Variants in CAPZB observed in about 807,000 individuals in gnomAD.
CAPZB encodes F-actin-capping protein subunit beta.
CAPZB carries 2 observed loss-of-function variants against 38.1 expected under a neutral mutation model. The observed-to-expected ratio is 0.05, with a 90% CI of 0.02 to 0.17. The LOEUF is 0.17. Ranked by LOEUF, CAPZB falls within the 10% of genes least tolerant of loss-of-function variation. The pLI is 1.00. For missense variants in CAPZB, 161 were observed against 334.2 expected, an observed-to-expected ratio of 0.48 and a Z score of 4.04; for synonymous variants, 107 against 127.4, an observed-to-expected ratio of 0.84 and a Z score of 1.08.
chr1:19,389,465 T>C (rs10917441), intron 2 of CAPZB, among the ~76,000 whole-genome samples: 50,882 of 151,860 alleles, frequency 0.34, 8,525 homozygotes, highest in Middle Eastern at 0.4. Context: ...TCCAGCTCTG[T>C]CACCCAGGCT....
chr1:19,450,144 CAAAA>C (rs71008167), intron 1 of CAPZB, among the ~76,000 whole-genome samples: 68 of 35,444 alleles, frequency 1.9e-3, no homozygotes, highest in Middle Eastern at 0.013. Flanking sequence ...ACCCTGTCTC[CAAAA>C]AAAAAAAAAA....
chr1:19,347,831 C>A (rs1051904238), intron 6 of CAPZB, among the ~76,000 whole-genome samples: 2 of 152,128 alleles, frequency 1.3e-5, no homozygotes, highest in African/African-American at 4.8e-5. Flanking sequence ...CCAAGGAAAC[C>A]GAAGCTTAAA....
In CAPZB at chr1:19,484,342, G is replaced by C. The variant is rs571057623; in HGVS notation, c.3+1094C>G. 2.5e-6 allele frequency: 4 copies of C among 1,570,498 alleles called. No homozygotes were observed. The African/African-American group carries it at 5.4e-5, about 21-fold the overall frequency. ...CCCCCCAAGGCCACGGCCTCACAAG[G>C]GCGATTGTGCGTTCATCCTTGTCCT... On this transcript the variant is annotated intron_variant, in intron 1 of 8. Transcript: ENST00000264202.
intron 1 of CAPZB, among the ~76,000 whole-genome samples, chr1:19,438,328 G>A (rs563222163): frequency 1.8e-4 from 27 of 152,250 alleles, no homozygotes; most frequent in African/African-American, 4.3e-4. Flanking sequence ...AGCTACGTGC[G>A]GCTTAGCGTA....
At chr1:19,458,011 T>C (rs2094538333) in intron 1 of CAPZB, among the ~76,000 whole-genome samples, 1 of 151,538 alleles carries the variant, frequency 6.6e-6, no homozygotes, top group African/African-American at 2.4e-5. Context: ...GTCATAATAA[T>C]TTTTAAAAAG....
At chr1:19,442,706 T>C (rs2094481898) in intron 1 of CAPZB, among the ~76,000 whole-genome samples, 1 of 152,158 alleles carries the variant, frequency 6.6e-6, no homozygotes, top group South Asian at 2.1e-4. Context: ...TCTGAAGGAC[T>C]GAAAAACACA....
chr1:19,356,629 C>T lies in CAPZB; in HGVS notation c.588+6G>A. On this transcript the variant is annotated splice_donor_region_variant and intron_variant, in intron 6 of 8. Coordinates refer to ENST00000264202, the MANE Select transcript of CAPZB (RefSeq NM_004930.5). This position sits in a 1 kb window ranked among gnomAD's most constrained non-coding sequence, Gnocchi z 4.3. ...CTGGCAAGTGGCTATGAGCGGGTAACTCTACCTGTCTGGTAAGGCTGCCTC... is the reference window on the plus strand; with the variant it reads ...CTGGCAAGTGGCTATGAGCGGGTAATTCTACCTGTCTGGTAAGGCTGCCTC... 1 of 1,604,566 alleles carries T rather than the reference C, an allele frequency of 6.2e-7. No homozygotes were observed. Among genetic ancestry groups the T allele is most frequent in the Non-Finnish European group, 8.5e-7 (1 of 1,171,256 alleles).
At chr1:19,476,668 A>G (rs1158458494) in intron 1 of CAPZB, among the ~76,000 whole-genome samples, 1 of 152,262 alleles carries the variant, frequency 6.6e-6, no homozygotes, top group Non-Finnish European at 1.5e-5. Flanking sequence ...CAGTAGGCCA[A>G]GCCACACAGT....
chr1:19,396,577 C>T (rs1331831705), intron 2 of CAPZB, among the ~76,000 whole-genome samples: 3 of 152,160 alleles, frequency 2.0e-5, no homozygotes, highest in African/African-American at 4.8e-5. Context: ...AAGGCAAGCA[C>T]GGGGTAGCTG....
chr1:19,464,237 GAAGA>G (rs1488889601), intron 1 of CAPZB, among the ~76,000 whole-genome samples: 1 of 150,292 alleles, frequency 6.7e-6, no homozygotes, highest in Non-Finnish European at 1.5e-5. Flanking sequence ...AGGAGGAAAG[GAAGA>G]AAGAAAACCG....
In CAPZB at chr1:19,357,800, TC is replaced by T. The variant is rs557081878; in HGVS notation, c.330-238del. Among the ~76,000 whole-genome samples, 14 of 152,220 alleles carry T rather than the reference TC, an allele frequency of 9.2e-5. 1 individual carries two copies. In the South Asian group the frequency reaches 2.9e-3, roughly 32 times the overall value. Reference sequence around the variant, plus strand: ...GAATCTGAGGTTGGACTCTGCCACCTCCTCTATCTGTGTGGTCTTTGGCTTA... The same window carrying T: ...GAATCTGAGGTTGGACTCTGCCACCTCTCTATCTGTGTGGTCTTTGGCTTA... On this transcript the variant is annotated intron_variant, in intron 4 of 8. Coordinates refer to ENST00000264202, the MANE Select transcript of CAPZB (RefSeq NM_004930.5). The surrounding 1 kb of genome is among the most constrained non-coding windows in gnomAD (Gnocchi z 4.3).
At chr1:19,366,565 G>T (rs2100364078) in intron 4 of CAPZB, among the ~76,000 whole-genome samples, 1 of 152,128 alleles carries the variant, frequency 6.6e-6, no homozygotes, top group South Asian at 2.1e-4. Flanking sequence ...GCAGGTGCTT[G>T]TAATCCCAGT....
intron 2 of CAPZB, among the ~76,000 whole-genome samples, chr1:19,416,987 C>T (rs1296403641): frequency 6.6e-6 from 1 of 151,740 alleles, no homozygotes; most frequent in African/African-American, 2.4e-5. Flanking sequence ...TACCATCCTG[C>T]AACTAAGCCT....
At chr1:19,458,346 T>A (rs1216966305) in intron 1 of CAPZB, among the ~76,000 whole-genome samples, 1 of 152,120 alleles carries the variant, frequency 6.6e-6, no homozygotes, top group Admixed American at 6.5e-5. Context: ...AAGTTTTGTT[T>A]TGTTTTGTTT....
chr1:19,457,343 G>C (rs997118791), intron 1 of CAPZB, among the ~76,000 whole-genome samples: 3 of 152,152 alleles, frequency 2.0e-5, no homozygotes, highest in African/African-American at 7.2e-5. Flanking sequence ...GGTCCGCAGT[G>C]CTCGCTTCCG....
chr1:19,440,253 G>C (rs10158117), intron 1 of CAPZB, among the ~76,000 whole-genome samples: 35,376 of 151,932 alleles, frequency 0.23, 4,496 homozygotes, highest in Non-Finnish European at 0.28. Flanking sequence ...ACCCGGGCTG[G>C]TCTTAAACTC....
chr1:19,449,057 C>A, intron 1 of CAPZB: 1 of 1,471,616 alleles, frequency 6.8e-7, no homozygotes, highest in Non-Finnish European at 9.0e-7. Context: ...TGGTTTCCAT[C>A]TGACCCAAGC....
chr1:19,398,817 A>G (rs1204339229), intron 2 of CAPZB, among the ~76,000 whole-genome samples: 1 of 150,686 alleles, frequency 6.6e-6, no homozygotes, highest in Non-Finnish European at 1.5e-5. Flanking sequence ...GCAGACAGAG[A>G]GCATCTCTGT....
At chr1:19,455,103 C>G (rs1227465687) in intron 1 of CAPZB, among the ~76,000 whole-genome samples, 1 of 152,222 alleles carries the variant, frequency 6.6e-6, no homozygotes, top group Non-Finnish European at 1.5e-5. Context: ...GGAGACAGAG[C>G]AGGACAAGCT....
Sources: allele counts gnomAD v4.1 joint callset (sites outside exome capture counted in the v4.1 genomes callset), GRCh38; gene constraint gnomAD v4.1.1; non-coding constraint Gnocchi (gnomAD v3.1); transcripts MANE v1.5; gene names NCBI Gene and HGNC (gene_info 2026-07-23, HGNC 2026-07-21).